The following BCAS3 variants were observed in gnomAD, a reference collection of about 807,000 sequenced individuals.
BCAS3 encodes the protein BCAS4/BCAS3 fusion.
In BCAS3, 53 loss-of-function variants were observed where a neutral mutation model predicts 116.1. That is an observed-to-expected ratio of 0.46 (90% CI 0.37 to 0.57). The LOEUF (loss-of-function observed/expected upper bound fraction) is 0.57. BCAS3 is among the 20% of genes least tolerant of loss of function. The pLI, the probability that BCAS3 is intolerant of heterozygous loss-of-function variation, is 0.00. For synonymous variants in BCAS3, 391 were observed against 408.2 expected (o/e 0.96, Z 0.51); for missense variants, 917 against 1,165.4 (o/e 0.79, Z 3.10).
intron 14 of BCAS3, among the ~76,000 whole-genome samples, chr17:60,958,324 G>C (rs891523961): frequency 6.6e-6 from 1 of 152,166 alleles, no homozygotes; most frequent in Non-Finnish European, 1.5e-5. Context: ...TGACATGATT[G>C]TCTATGTTGA....
At position 61,368,262 on chromosome 17, in the gene BCAS3, T is replaced by G. The variant is rs1603101760; in HGVS notation, c.2426-65T>G. ...GGTATGGAGAGGAGCGGGTGGGAGG[T>G]AGACAAGAATGGCCTGCTCCCTGAA... On this transcript the variant is annotated intron_variant, in intron 22 of 23. Coordinates refer to ENST00000407086, the MANE Select transcript of BCAS3 (RefSeq NM_017679.5). The surrounding 1 kb of genome is among the most constrained non-coding windows in gnomAD (Gnocchi z 6.0). 6.7e-7 allele frequency: 1 copy of G among 1,492,304 alleles called. No homozygotes were observed. Among genetic ancestry groups the G allele is most frequent in the Non-Finnish European group, 9.1e-7 (1 of 1,104,674 alleles). 92.4% of individuals were successfully genotyped at this position (1,492,304 alleles called of 1,614,324 possible).
intron 22 of BCAS3, among the ~76,000 whole-genome samples, chr17:61,330,435 A>G (rs1248324987): frequency 6.6e-6 from 1 of 152,102 alleles, no homozygotes; most frequent in East Asian, 1.9e-4. Context: ...GTAGTTTCTC[A>G]CTTTCCCAAG....
At chr17:61,110,215 GT>G (rs1317393613) in intron 22 of BCAS3, among the ~76,000 whole-genome samples, 2 of 152,168 alleles carry the variant, frequency 1.3e-5, no homozygotes, top group African/African-American at 4.8e-5. Flanking sequence ...TTTATGTATA[GT>G]TTTAAAAATT....
At chr17:60,890,359 C>T (rs1354745534) in intron 10 of BCAS3, among the ~76,000 whole-genome samples, 7 of 151,990 alleles carry the variant, frequency 4.6e-5, no homozygotes, top group African/African-American at 1.5e-4. Flanking sequence ...GAGGCTGAGG[C>T]AGGAGAATTG....
At chr17:60,707,706 AAAAT>A (rs1230646999) in intron 4 of BCAS3, among the ~76,000 whole-genome samples, 1 of 17,552 alleles carries the variant, frequency 5.7e-5, no homozygotes, top group Non-Finnish European at 0.1. Flanking sequence ...TTTTAAAAAT[AAAAT>A]AACTATTGCA....
At chr17:60,968,581 A>G (rs916072394) in intron 14 of BCAS3, among the ~76,000 whole-genome samples, 10 of 151,652 alleles carry the variant, frequency 6.6e-5, no homozygotes, top group African/African-American at 2.2e-4. Context: ...TTTTTTGGAT[A>G]TAGGTGGTAC....
At chr17:60,892,476 A>T (rs572867190) in intron 10 of BCAS3, among the ~76,000 whole-genome samples, 1 of 151,886 alleles carries the variant, frequency 6.6e-6, no homozygotes. Flanking sequence ...TGCCTGGCTA[A>T]TTTTGTATTT....
At position 61,327,459 on chromosome 17, in the gene BCAS3, G is replaced by C. The variant is rs1347266741; in HGVS notation, c.2426-40868G>C. 6.6e-6 allele frequency among the ~76,000 whole-genome samples: 1 copy of C among 152,028 alleles called. No homozygotes were observed. The highest frequency in any genetic ancestry group is 1.5e-5 in the Non-Finnish European group (1 of 68,014). On this transcript the variant is annotated intron_variant, in intron 22 of 23. Coordinates refer to ENST00000407086, the MANE Select transcript of BCAS3 (RefSeq NM_017679.5). This position sits in a 1 kb window ranked among gnomAD's most constrained non-coding sequence, Gnocchi z 5.9. ...TGTAATGAGACTATATTGAGGGTTA[G>C]ATAACAGGCAAGTATGTGGAGATGA...
intron 22 of BCAS3, among the ~76,000 whole-genome samples, chr17:61,345,662 C>G (rs973716874): frequency 6.6e-6 from 1 of 151,994 alleles, no homozygotes; most frequent in Non-Finnish European, 1.5e-5. Context: ...TTTGGCAAAG[C>G]GGAAGTGGCA....
intron 7 of BCAS3, chr17:60,811,489 G>A (rs920025054): frequency 4.2e-6 from 2 of 479,592 alleles, no homozygotes; most frequent in Non-Finnish European, 7.8e-6. Context: ...TACCCTTTGG[G>A]GAGCCAGGAG....
chr17:60,725,028 GT>G lies in BCAS3; in HGVS notation c.321+15711del, dbSNP rs1003090253. ...CACCATGCCCAGCTACTTAAAAAAA[GT>G]TTTTTTTGTAGAGAGGGGCTCTCAT... On this transcript the variant is annotated intron_variant, in intron 5 of 23. Transcript: ENST00000407086. Among the ~76,000 whole-genome samples, 6 of 151,996 alleles carry G rather than the reference GT, an allele frequency of 3.9e-5. 1 individual carries two copies. Among genetic ancestry groups the G allele is most frequent in the Admixed American group, 3.9e-4 (6 of 15,234 alleles).
intron 5 of BCAS3, among the ~76,000 whole-genome samples, chr17:60,734,578 G>C (rs964910795): frequency 2.6e-5 from 4 of 152,168 alleles, no homozygotes; most frequent in Non-Finnish European, 5.9e-5. Flanking sequence ...ACTATTTGTT[G>C]AAAAGACTAT....
chr17:61,310,132 G>A (rs1402664060), intron 22 of BCAS3, among the ~76,000 whole-genome samples: 2 of 152,150 alleles, frequency 1.3e-5, no homozygotes, highest in African/African-American at 4.8e-5. Context: ...AATCAAAGGC[G>A]ATCCCTTCTT....
At chr17:60,827,458 C>T (rs892645434) in intron 7 of BCAS3, among the ~76,000 whole-genome samples, 4 of 152,132 alleles carry the variant, frequency 2.6e-5, no homozygotes, top group Admixed American at 6.5e-5. Context: ...ATTGCCTAAC[C>T]GAGTACTGCA....
intron 14 of BCAS3, among the ~76,000 whole-genome samples, chr17:60,965,966 C>T (rs1399987303): frequency 2.0e-5 from 3 of 152,112 alleles, no homozygotes; most frequent in Non-Finnish European, 4.4e-5. Flanking sequence ...TGCAGTCTAT[C>T]TCTGTTTTAG....
chr17:61,219,643 G>A lies in BCAS3; in HGVS notation c.2425+135079G>A, dbSNP rs1056335078. Among the ~76,000 whole-genome samples the A allele has an allele frequency of 2.0e-5, 3 of 152,142 alleles. No individual in the cohort carries two copies. The highest frequency in any genetic ancestry group is 2.9e-5 in the Non-Finnish European group (2 of 68,024). ...AAGTGTTTTAACAGGGTTTTAATGG[G>A]CAGCCTCTGTAGCTCCTTGGAGGGT... On this transcript the variant is annotated intron_variant, in intron 22 of 23. Transcript: ENST00000407086. This position sits in a 1 kb window ranked among gnomAD's most constrained non-coding sequence, Gnocchi z 5.2.
At chr17:61,079,330 C>T (rs2072330094) in intron 21 of BCAS3, among the ~76,000 whole-genome samples, 1 of 152,102 alleles carries the variant, frequency 6.6e-6, no homozygotes, top group Non-Finnish European at 1.5e-5. Flanking sequence ...GTTCCAGTTA[C>T]ATAGTGGAAA....
intron 22 of BCAS3, among the ~76,000 whole-genome samples, chr17:61,236,678 A>G (rs892882492): frequency 2.0e-5 from 3 of 152,190 alleles, no homozygotes; most frequent in Non-Finnish European, 4.4e-5. Context: ...CTCTACTTAT[A>G]TACAAATGGC....
intron 18 of BCAS3, among the ~76,000 whole-genome samples, chr17:61,039,575 A>C (rs2067338106): frequency 6.6e-6 from 1 of 152,096 alleles, no homozygotes; most frequent in African/African-American, 2.4e-5. Context: ...GGCACTAGCC[A>C]CCACGCCAGC....
Sources: allele counts gnomAD v4.1 joint callset (sites outside exome capture counted in the v4.1 genomes callset), GRCh38; gene constraint gnomAD v4.1.1; non-coding constraint Gnocchi (gnomAD v3.1); transcripts MANE v1.5; gene names NCBI Gene and HGNC (gene_info 2026-07-23, HGNC 2026-07-21).